Variants in CCDC171 observed in about 807,000 individuals in gnomAD.
CCDC171 encodes coiled-coil domain-containing protein 171.
A neutral mutation model predicts 168.2 loss-of-function variants in CCDC171; 177 were observed. The ratio of observed to expected loss-of-function variants is 1.05; its 90% CI spans 0.93 to 1.19. The LOEUF (loss-of-function observed/expected upper bound fraction) is 1.19. Among genes scored for constraint, CCDC171 ranks in the 50% most tolerant of loss-of-function variants. The pLI is 0.00. For missense variants in CCDC171, 1,991 were observed against 1,539.0 expected, an observed-to-expected ratio of 1.29 and a Z score of -4.91; for synonymous variants, 687 against 540.8, an observed-to-expected ratio of 1.27 and a Z score of -3.75.
chr9:15,747,785 T>C (rs2055407382), intron 18 of CCDC171, among the ~76,000 whole-genome samples: 1 of 151,984 alleles, frequency 6.6e-6, no homozygotes, highest in South Asian at 2.1e-4. Context: ...AACCACAAAA[T>C]GGGGAGAAAC....
chr9:15,732,357 G>A (rs1432687783), intron 16 of CCDC171, among the ~76,000 whole-genome samples: 1 of 152,050 alleles, frequency 6.6e-6, no homozygotes, highest in Non-Finnish European at 1.5e-5. Context: ...ATTTTTGTGT[G>A]TGCTGTTAGG....
chr9:16,098,509 T>C, the CCDC171 span, among the ~76,000 whole-genome samples: 1 of 152,254 alleles, frequency 6.6e-6, no homozygotes, highest in African/African-American at 2.4e-5. Flanking sequence ...AGTGTTGGAG[T>C]AAGCCACCTA....
chr9:15,994,032 T>C (rs545180689), intron 3 of CCDC171, among the ~76,000 whole-genome samples: 1 of 152,320 alleles, frequency 6.6e-6, no homozygotes, highest in East Asian at 1.9e-4. Context: ...AGTGTGGCTA[T>C]TCCTTCAAGA....
rs554984004 is a variant in CCDC171 at position 15,869,410 on chromosome 9, T to G, written c.3469-5122T>G. Among the ~76,000 whole-genome samples, 3 of 151,924 alleles carry G rather than the reference T, an allele frequency of 2.0e-5. No homozygotes were observed. The East Asian group carries it at 5.8e-4, about 30-fold the overall frequency. ...ATATCAGAGTCTTGGAACTGTCTAA[T>G]TTTTTTTAAATTATTTTTTCTTTCT... On this transcript the variant is annotated intron_variant, in intron 23 of 25. Coordinates refer to ENST00000380701, the MANE Select transcript of CCDC171 (RefSeq NM_173550.4).
intron 4 of CCDC171, among the ~76,000 whole-genome samples, chr9:15,588,861 C>T (rs961180522): frequency 1.3e-5 from 2 of 151,942 alleles, no homozygotes; most frequent in Non-Finnish European, 2.9e-5. Context: ...GTGCCCGCCA[C>T]CACGCCCGGC....
intron 23 of CCDC171, among the ~76,000 whole-genome samples, chr9:15,863,440 C>G (rs2061644791): frequency 6.6e-6 from 1 of 151,936 alleles, no homozygotes; most frequent in South Asian, 2.1e-4. Flanking sequence ...CATCTGGCTG[C>G]TATCATTCTC....
the CCDC171 span, among the ~76,000 whole-genome samples, chr9:16,089,619 A>G: frequency 6.6e-6 from 1 of 152,044 alleles, no homozygotes; most frequent in Non-Finnish European, 1.5e-5. Flanking sequence ...TCCCAACACC[A>G]TTTATTAAAT....
intron 11 of CCDC171, among the ~76,000 whole-genome samples, chr9:15,716,994 G>T (rs1039874781): frequency 6.6e-6 from 1 of 152,036 alleles, no homozygotes; most frequent in East Asian, 1.9e-4. Context: ...TAACAGTTAC[G>T]TAGGCAAAAA....
chr9:15,591,491 C>G lies in CCDC171; in HGVS notation c.478C>G (p.Gln160Glu). 1 of 1,604,744 alleles carries G rather than the reference C, an allele frequency of 6.2e-7. No homozygotes were observed. The highest frequency in any genetic ancestry group is 2.2e-5 in the East Asian group (1 of 44,556). Residue 160 changes from glutamine (Q) to glutamate (E), a missense_variant, in exon 5 of 26, where the codon CAA (glutamine) becomes GAA (glutamate). Coordinates refer to ENST00000380701, the MANE Select transcript of CCDC171 (RefSeq NM_173550.4). The stretch of plus-strand genomic sequence containing the variant: ...TTTGGAGGAAAGAGACAATATGATC[C>G]AAAATTGCAATCGAGAATATGATTT... Reference protein sequence around the residue: ...HDLEERDNMIQNCNREYDLLM... With the variant: ...HDLEERDNMIENCNREYDLLM...
chr9:15,996,251 T>A (rs776827411), intron 3 of CCDC171, among the ~76,000 whole-genome samples: 3 of 151,770 alleles, frequency 2.0e-5, no homozygotes, highest in Non-Finnish European at 4.4e-5. Flanking sequence ...ACACAGGGAG[T>A]AATGCACATA....
intron 8 of CCDC171, among the ~76,000 whole-genome samples, chr9:15,664,134 A>C (rs2048538343): frequency 6.6e-6 from 1 of 152,134 alleles, no homozygotes; most frequent in Admixed American, 6.5e-5. Context: ...AATGGGGTTG[A>C]GGGATGAGCT....
intron 24 of CCDC171, chr9:15,875,165 C>T (rs78253523): frequency 6.6e-6 from 1 of 151,900 alleles, no homozygotes; most frequent in Non-Finnish European, 1.5e-5. Context: ...TTAAACTTAT[C>T]TGTGTTTTCT....
intron 3 of CCDC171, among the ~76,000 whole-genome samples, chr9:15,575,604 A>C (rs1169053670): frequency 3.3e-5 from 5 of 152,196 alleles, no homozygotes. Context: ...TCCTCAGAGA[A>C]ATCAGGGAAT....
chr9:15,802,740 TA>T (rs2058887768), intron 21 of CCDC171, among the ~76,000 whole-genome samples: 1 of 152,132 alleles, frequency 6.6e-6, no homozygotes, highest in Non-Finnish European at 1.5e-5. Context: ...GCCTTTATAA[TA>T]GAACAATTTA....
At position 15,784,605 on chromosome 9, in the gene CCDC171, G is replaced by C; in HGVS notation, c.3178G>C (p.Ala1060Pro). The C allele has an allele frequency of 6.2e-7, 1 of 1,612,990 alleles. No individual in the cohort carries two copies. Among genetic ancestry groups the C allele is most frequent in the Non-Finnish European group, 8.5e-7 (1 of 1,179,208 alleles). ...GGCACAAATGCTATTGAATGAACAG[G>C]CACAACAACTACAGGAATTGAATTA... ...EQAQMLLNEQ[A>P]QQLQELNYKL... Residue 1060 changes from alanine to proline, a missense_variant, in exon 21 of 26, where the codon GCA becomes CCA. By Grantham distance (27) the Ala-to-Pro change is conservative. Coordinates refer to ENST00000380701, the MANE Select transcript of CCDC171 (RefSeq NM_173550.4).
intron 24 of CCDC171, among the ~76,000 whole-genome samples, chr9:15,899,172 A>G (rs574411676): frequency 2.0e-5 from 3 of 152,120 alleles, no homozygotes; most frequent in Non-Finnish European, 4.4e-5. Flanking sequence ...GTCAATATTG[A>G]TTAATAGTTT....
At chr9:15,970,230 G>A (rs986550179) in intron 25 of CCDC171, among the ~76,000 whole-genome samples, 9 of 152,010 alleles carry the variant, frequency 5.9e-5, no homozygotes, top group Non-Finnish European at 1.3e-4. Context: ...CCACAAAAAT[G>A]GTAACACATA....
intron 25 of CCDC171, among the ~76,000 whole-genome samples, chr9:15,939,221 T>C (rs1003055388): frequency 6.6e-6 from 1 of 151,728 alleles, no homozygotes; most frequent in Non-Finnish European, 1.5e-5. Flanking sequence ...CACTATTTCA[T>C]GGTATTATAC....
At chr9:15,834,550 G>A (rs1039991177) in intron 21 of CCDC171, among the ~76,000 whole-genome samples, 2 of 152,106 alleles carry the variant, frequency 1.3e-5, no homozygotes, top group African/African-American at 4.8e-5. Context: ...TTTTATTTTA[G>A]TATATTCACA....
Sources: gnomAD v4.1 joint callset for allele counts (sites outside exome capture counted in the v4.1 genomes callset) on GRCh38, gnomAD v4.1.1 for gene constraint, MANE v1.5 for transcripts, NCBI Gene and HGNC (gene_info 2026-07-23, HGNC 2026-07-21) for gene names.